Variants in NFIA observed in about 807,000 individuals in gnomAD.
NFIA encodes the protein nuclear factor I A, also known as nuclear factor 1 A-type.
In NFIA, 8 loss-of-function variants were observed where a neutral mutation model predicts 62.8. That is an observed-to-expected ratio of 0.13 (90% confidence interval 0.07 to 0.23). The LOEUF (loss-of-function observed/expected upper bound fraction) is 0.23. Ranked by LOEUF, NFIA falls within the 10% of genes least tolerant of loss-of-function variation. NFIA has a pLI of 1.00. For missense variants in NFIA, 410 were observed against 642.1 expected (o/e 0.64, Z 3.91); for synonymous variants, 235 against 238.1 (o/e 0.99, Z 0.12).
chr1:61,345,823 A>C (rs1007473829), intron 4 of NFIA, among the ~76,000 whole-genome samples: 1 of 152,122 alleles, frequency 6.6e-6, no homozygotes, highest in African/African-American at 2.4e-5. Flanking sequence ...TGGTGCCAAA[A>C]AGGTTGGGGA....
intron 10 of NFIA, among the ~76,000 whole-genome samples, chr1:61,452,667 GA>G (rs927144400): frequency 3.3e-5 from 5 of 151,762 alleles, no homozygotes; most frequent in East Asian, 1.9e-4. Flanking sequence ...TCATCTCAAG[GA>G]AAAAAAAGTT....
chr1:61,310,751 T>A lies in NFIA; in HGVS notation c.626-21761T>A, dbSNP rs188872649. 3.3e-3 allele frequency among the ~76,000 whole-genome samples: 298 copies of A among 91,288 alleles called. 3 individuals are homozygous for A. In the Middle Eastern group the frequency reaches 0.061, roughly 19 times the overall value. The allele number at this position is 91,288 out of a possible 152,430, so 59.9% of individuals were successfully genotyped here. On this transcript the variant is annotated intron_variant, in intron 3 of 10. Transcript: ENST00000403491. ...CCCCTCCCCTCTCATCCCCTCCTCC[T>A]GCTTCTCCCTCTTTTCCTTCCTTCC...
chr1:61,142,860 G>A (rs965005286), intron 2 of NFIA, among the ~76,000 whole-genome samples: 3 of 152,134 alleles, frequency 2.0e-5, no homozygotes, highest in African/African-American at 4.8e-5. Flanking sequence ...AGAGAGAGCC[G>A]GGGATGGACC....
intron 6 of NFIA, among the ~76,000 whole-genome samples, chr1:61,375,345 C>G (rs1032305503): frequency 1.3e-5 from 2 of 152,106 alleles, no homozygotes; most frequent in African/African-American, 4.8e-5. Flanking sequence ...ACTGAGCTGT[C>G]TGTTCCCCAC....
intron 2 of NFIA, among the ~76,000 whole-genome samples, chr1:61,140,166 C>G (rs977857953): frequency 2.6e-5 from 4 of 152,116 alleles, no homozygotes; most frequent in Non-Finnish European, 5.9e-5. Flanking sequence ...AAAATTGGCC[C>G]ATATACATTT....
At chr1:61,112,938 T>C (rs963492741) in intron 2 of NFIA, among the ~76,000 whole-genome samples, 1 of 152,102 alleles carries the variant, frequency 6.6e-6, no homozygotes, top group African/African-American at 2.4e-5. Flanking sequence ...TGACTGTGGA[T>C]TGAGGAATTA....
chr1:61,162,138 G>A (rs962998628), intron 2 of NFIA, among the ~76,000 whole-genome samples: 1 of 152,030 alleles, frequency 6.6e-6, no homozygotes, highest in Non-Finnish European at 1.5e-5. Flanking sequence ...AAAAGTATGC[G>A]AGTACTGGAT....
intron 2 of NFIA, among the ~76,000 whole-genome samples, chr1:61,205,619 T>G (rs1652841901): frequency 6.6e-6 from 1 of 152,160 alleles, no homozygotes; most frequent in South Asian, 2.1e-4. Context: ...TTCCACATCC[T>G]TAGTGTTCCA....
chr1:61,185,083 T>A (rs1056419331), intron 2 of NFIA, among the ~76,000 whole-genome samples: 2 of 152,178 alleles, frequency 1.3e-5, no homozygotes, highest in African/African-American at 4.8e-5. Flanking sequence ...AATATGAAAA[T>A]TTGGCAGGCT....
At chr1:61,133,456 A>G (rs1406769764) in intron 2 of NFIA, among the ~76,000 whole-genome samples, 1 of 152,210 alleles carries the variant, frequency 6.6e-6, no homozygotes, top group Non-Finnish European at 1.5e-5. Context: ...TTTATGAGGA[A>G]GGGAACTTAC....
chr1:61,362,088 A>C (rs1390613225), intron 6 of NFIA, among the ~76,000 whole-genome samples: 3 of 152,058 alleles, frequency 2.0e-5, no homozygotes, highest in African/African-American at 7.2e-5. Flanking sequence ...TCATTAACTC[A>C]CACCAGCCAT....
intron 2 of NFIA, among the ~76,000 whole-genome samples, chr1:61,109,493 A>AT (rs11377718): frequency 0.77 from 114,909 of 150,118 alleles, 44,643 homozygotes; most frequent in Middle Eastern, 0.85. Context: ...TCTTATGAGT[A>AT]TTTTTTTTTG....
intron 10 of NFIA, among the ~76,000 whole-genome samples, chr1:61,441,881 C>T (rs1667598494): frequency 6.6e-6 from 1 of 152,058 alleles, no homozygotes; most frequent in South Asian, 2.1e-4. Flanking sequence ...AAACTCCCTT[C>T]ACACCACCCC....
intron 2 of NFIA, among the ~76,000 whole-genome samples, chr1:61,151,382 C>CTTTTTTTTTT (rs60675167): frequency 7.1e-6 from 1 of 141,748 alleles, no homozygotes. Flanking sequence ...GCTAATACAG[C>CTTTTTTTTTT]TTTTTTTTTT....
At chr1:61,180,314 C>T (rs1650675954) in intron 2 of NFIA, among the ~76,000 whole-genome samples, 1 of 152,200 alleles carries the variant, frequency 6.6e-6, no homozygotes, top group Admixed American at 6.5e-5. Flanking sequence ...GGGGCCATCA[C>T]TATGGAGCCT....
chr1:61,107,665 T>C (rs940616985), intron 2 of NFIA, among the ~76,000 whole-genome samples: 2 of 151,768 alleles, frequency 1.3e-5, no homozygotes, highest in African/African-American at 4.8e-5. Context: ...ACAAAAATTC[T>C]TAATTTTAAT....
At chr1:61,084,687 A>C (rs1646187159) in intron 1 of NFIA, among the ~76,000 whole-genome samples, 1 of 152,134 alleles carries the variant, frequency 6.6e-6, no homozygotes, top group Non-Finnish European at 1.5e-5. Context: ...GGACCCTAAC[A>C]GATACATTAG....
intron 2 of NFIA, among the ~76,000 whole-genome samples, chr1:61,211,676 A>C (rs1653266661): frequency 6.6e-6 from 1 of 152,166 alleles, no homozygotes; most frequent in South Asian, 2.1e-4. Flanking sequence ...AGAGACTTGT[A>C]GAGAAGGGTG....
intron 10 of NFIA, among the ~76,000 whole-genome samples, chr1:61,428,876 T>A (rs1308182092): frequency 6.6e-6 from 1 of 152,156 alleles, no homozygotes; most frequent in Non-Finnish European, 1.5e-5. Context: ...CAGGAAAAGT[T>A]ATCTGGGAAA....
Sources: gnomAD v4.1 joint callset for allele counts (sites outside exome capture counted in the v4.1 genomes callset) on GRCh38, gnomAD v4.1.1 for gene constraint, MANE v1.5 for transcripts, NCBI Gene and HGNC (gene_info 2026-07-23, HGNC 2026-07-21) for gene names.